BAHCC1: variants seen among roughly 807,000 people sequenced by gnomAD.
BAHCC1 encodes BAH domain and coiled-coil containing 1.
In BAHCC1, 43 loss-of-function variants were observed where a neutral mutation model predicts 88.2. That is an observed-to-expected ratio of 0.49 (90% CI 0.38 to 0.63). The LOEUF (loss-of-function observed/expected upper bound fraction) is 0.63, where lower values mean the gene tolerates loss of function less well. Among genes scored for constraint, BAHCC1 ranks in the 20% least tolerant of loss-of-function variants. The pLI, the probability that BAHCC1 is intolerant of heterozygous loss-of-function variation, is 0.00. For synonymous variants in BAHCC1, 1,510 were observed against 745.5 expected (o/e 2.03, Z -16.71); for missense variants, 3,023 against 1,654.8 (o/e 1.83, Z -14.34).
At chr17:81,462,462 T>C in intron 26 of BAHCC1, 1 of 522,650 alleles carries the variant, frequency 1.9e-6, no homozygotes, top group Non-Finnish European at 3.4e-6. Flanking sequence ...TAAATAACAC[T>C]GTGGTGAACG....
chr17:81,409,704 G>C (rs1049229881), intron 2 of BAHCC1, among the ~76,000 whole-genome samples: 1 of 152,162 alleles, frequency 6.6e-6, no homozygotes, highest in Non-Finnish European at 1.5e-5. Context: ...GAGGGAAATC[G>C]GGCCCAGGGA....
chr17:81,461,719 G>A lies in BAHCC1; in HGVS notation c.7056G>A (p.Glu2352=). ...ACTCGTCCTACAGCTCAGACGACGA[G>A]GACCCGGCTCTGCTGCTGCAGACCT... The part of the protein sequence containing the change: ...NEDSSYSSDD[E]DPALLLQTCL... The change falls in exon 26 of 28, where the codon GAG becomes GAA. Residue 2352 remains glutamate, a synonymous_variant. Coordinates refer to ENST00000675386, the MANE Select transcript of BAHCC1 (RefSeq NM_001377448.1). 2.8e-6 allele frequency: 2 copies of A among 718,942 alleles called. No homozygotes were observed. Among genetic ancestry groups the A allele is most frequent in the South Asian group, 3.0e-5 (2 of 67,664 alleles). The allele number at this position is 718,942 out of a possible 1,614,324, so 44.5% of individuals were successfully genotyped here.
chr17:81,438,953 G>A (rs1026387717), intron 4 of BAHCC1, among the ~76,000 whole-genome samples: 3 of 152,104 alleles, frequency 2.0e-5, no homozygotes, highest in East Asian at 1.9e-4. Flanking sequence ...TGGGCTGCAC[G>A]AGGCCCAGCC....
intron 1 of BAHCC1, chr17:81,397,250 A>G (rs2063754995): frequency 6.6e-6 from 1 of 152,100 alleles, no homozygotes; most frequent in Non-Finnish European, 1.5e-5. Context: ...TAAAAAGTCG[A>G]GCAGGCTGGT....
intron 3 of BAHCC1, among the ~76,000 whole-genome samples, chr17:81,429,682 C>T (rs902563249): frequency 6.6e-6 from 1 of 152,200 alleles, no homozygotes; most frequent in African/African-American, 2.4e-5. Flanking sequence ...GGGCGGTTGG[C>T]CTTGCCCACG....
intron 14 of BAHCC1, among the ~76,000 whole-genome samples, chr17:81,454,151 G>C (rs1250095329): frequency 6.6e-6 from 1 of 152,218 alleles, no homozygotes; most frequent in East Asian, 1.9e-4. Flanking sequence ...CAGGCAGAGA[G>C]ACTCCCCAAG....
Position 81,399,639 on chromosome 17 carries a change from C to G in BAHCC1, c.-101C>G. 11 of 813,688 alleles carry G rather than the reference C, an allele frequency of 1.4e-5. No homozygotes were observed. Among genetic ancestry groups the G allele is most frequent in the Non-Finnish European group, 1.7e-5 (11 of 631,698 alleles). The allele number at this position is 813,688 out of a possible 1,614,324, so 50.4% of individuals were successfully genotyped here. On this transcript the variant is annotated 5_prime_UTR_variant, in exon 2 of 28. Transcript: ENST00000675386. This position sits in a 1 kb window ranked among gnomAD's most constrained non-coding sequence, Gnocchi z 4.5. ...CCCGCCGCCACCACCGCCTGTGACC[C>G]CGGACGCCGCCGCCTCTGCGCCGCC...
intron 2 of BAHCC1, among the ~76,000 whole-genome samples, chr17:81,410,861 G>T (rs1389679322): frequency 1.3e-5 from 2 of 152,116 alleles, no homozygotes; most frequent in Non-Finnish European, 2.9e-5. Flanking sequence ...TCTGCCTGGG[G>T]TTGGGGGACA....
chr17:81,463,808 C>T lies in BAHCC1; in HGVS notation c.7818C>T (p.Ile2606=), dbSNP rs372358725. Residue 2606 remains isoleucine, a synonymous_variant, in exon 28 of 28, where the codon ATC becomes ATT. Transcript: ENST00000675386. ...GRLVTADGVP[I]LC Reference sequence around the variant, plus strand: ...TGGTGACGGCTGATGGCGTGCCCATCCTATGCTGAGCCGCCCACCGCAGAT... The same window carrying T: ...TGGTGACGGCTGATGGCGTGCCCATTCTATGCTGAGCCGCCCACCGCAGAT... 6.8e-6 allele frequency: 5 copies of T among 733,984 alleles called. No individual in the cohort carries two copies. The highest frequency in any genetic ancestry group is 5.2e-5 in the African/African-American group (3 of 57,902). 45.5% of individuals were successfully genotyped at this position (733,984 alleles called of 1,614,324 possible). A position where few individuals can be genotyped will look rare whatever the true frequency, so the allele number is the denominator to read the frequency against.
chr17:81,422,314 C>T (rs997917190), intron 2 of BAHCC1, among the ~76,000 whole-genome samples: 2 of 152,208 alleles, frequency 1.3e-5, no homozygotes, highest in African/African-American at 2.4e-5. Flanking sequence ...TCTGGTCTCT[C>T]TTGTGCTTTA....
intron 2 of BAHCC1, chr17:81,402,253 GC>G (rs1240420381): frequency 6.6e-6 from 1 of 152,198 alleles, no homozygotes; most frequent in African/African-American, 2.4e-5. Context: ...TTTGTGATGG[GC>G]AACTTGGTCA....
chr17:81,427,398 T>C (rs1392612496), intron 3 of BAHCC1, among the ~76,000 whole-genome samples: 2 of 152,028 alleles, frequency 1.3e-5, no homozygotes, highest in Non-Finnish European at 2.9e-5. Flanking sequence ...CGGGGAGAGC[T>C]GTCAGCGCAC....
At position 81,459,182 on chromosome 17, in the gene BAHCC1, ATGG is replaced by A. The variant is rs1408399692; in HGVS notation, c.5720+18_5720+20del. On this transcript the variant is annotated intron_variant, in intron 21 of 27. Coordinates refer to ENST00000675386, the MANE Select transcript of BAHCC1 (RefSeq NM_001377448.1). ...GCCACCCGACATGTGAGGCCTGGGC[ATGG>A]TGGGGCAGGGCAGGGGCCTGGAGGG... 10 of 768,624 alleles carry A rather than the reference ATGG, an allele frequency of 1.3e-5. No individual in the cohort carries two copies. The highest frequency in any genetic ancestry group is 5.2e-5 in the Admixed American group (3 of 57,710). The allele number at this position is 768,624 out of a possible 1,614,324, so 47.6% of individuals were successfully genotyped here. A position where few individuals can be genotyped will look rare whatever the true frequency, so the allele number is the denominator to read the frequency against.
At chr17:81,450,291 A>G (rs2064609467) in intron 11 of BAHCC1, among the ~76,000 whole-genome samples, 1 of 151,520 alleles carries the variant, frequency 6.6e-6, no homozygotes, top group Non-Finnish European at 1.5e-5. Flanking sequence ...GGATCAGCCC[A>G]TGGGGACCCC....
intron 11 of BAHCC1, among the ~76,000 whole-genome samples, chr17:81,450,827 G>C (rs1555655606): frequency 6.6e-6 from 1 of 152,182 alleles, no homozygotes; most frequent in Non-Finnish European, 1.5e-5. Flanking sequence ...GAGGGTACTG[G>C]AGCCCAGGAG....
At chr17:81,444,962 C>A in intron 8 of BAHCC1, 53 bp from the exon 9 acceptor site, 1 of 693,176 alleles carries the variant, frequency 1.4e-6, no homozygotes, top group Non-Finnish European at 2.6e-6. Context: ...GGAAGCAGCC[C>A]CGGAGCTGTC....
At position 81,458,703 on chromosome 17, in the gene BAHCC1, T is replaced by G. The variant is rs2029958870; in HGVS notation, c.5426T>G (p.Val1809Gly). 1 of 729,614 alleles carries G rather than the reference T, an allele frequency of 1.4e-6. No homozygotes were observed. Among genetic ancestry groups the G allele is most frequent in the Non-Finnish European group, 2.5e-6 (1 of 392,296 alleles). The allele number at this position is 729,614 out of a possible 1,614,324, so 45.2% of individuals were successfully genotyped here. The change falls in exon 19 of 28, where the codon GTG becomes GGG. Residue 1809 changes from valine (V) to glycine (G), a missense_variant. Transcript: ENST00000675386. ...ILGKGRKLSK[V>G]KHKAGKQGKG... ...GGGAAGGGCCGGAAGCTGAGCAAGGTGAAGCACAAGGCCGGCAAGCAGGTA... is the reference window on the plus strand; with the variant it reads ...GGGAAGGGCCGGAAGCTGAGCAAGGGGAAGCACAAGGCCGGCAAGCAGGTA...
At position 81,428,588 on chromosome 17, in the gene BAHCC1, C is replaced by T. The variant is rs958253254; in HGVS notation, c.358+1609C>T. Among the ~76,000 whole-genome samples, 490 of 152,334 alleles carry T rather than the reference C, an allele frequency of 3.2e-3. 2 individuals carry two copies. Among genetic ancestry groups the T allele is most frequent in the Middle Eastern group, 0.014 (4 of 294 alleles). ...GAGAGAGCTCCTACCCCACTCCCTC[C>T]ACCCACCCTGGGGGACCCCAGCAGC... is the stretch of plus-strand genomic sequence containing the variant. On this transcript the variant is annotated intron_variant, in intron 3 of 27. Coordinates refer to ENST00000675386, the MANE Select transcript of BAHCC1 (RefSeq NM_001377448.1).
chr17:81,433,738 G>C (rs958519960), intron 3 of BAHCC1, among the ~76,000 whole-genome samples: 1 of 136,212 alleles, frequency 7.3e-6, no homozygotes, highest in African/African-American at 2.8e-5. Flanking sequence ...GGCAGGTGTC[G>C]TCAGTCCACC....
Sources: gnomAD v4.1 joint callset for allele counts (sites outside exome capture counted in the v4.1 genomes callset) on GRCh38, gnomAD v4.1.1 for gene constraint, Gnocchi (gnomAD v3.1) non-coding constraint, MANE v1.5 for transcripts, NCBI Gene and HGNC (gene_info 2026-07-23, HGNC 2026-07-21) for gene names.